The following HHLA2 variants were observed in gnomAD, a reference collection of about 807,000 sequenced individuals.
The protein encoded by HHLA2 is HERV-H LTR-associating protein 2.
A neutral mutation model predicts 45.9 loss-of-function variants in HHLA2; 48 were observed. That is an observed-to-expected ratio of 1.05 (90% CI 0.83 to 1.33). HHLA2 has a LOEUF of 1.33. HHLA2 is among the 40% of genes most tolerant of loss of function. The pLI, the probability that HHLA2 is intolerant of heterozygous loss-of-function variation, is 0.00. For missense variants in HHLA2, 462 were observed against 494.3 expected (o/e 0.93, Z 0.62); for synonymous variants, 161 against 173.9 (o/e 0.93, Z 0.59).
In HHLA2 at chr3:108,362,136, C is replaced by T. The variant is rs554567451; in HGVS notation, c.1004-206C>T. 6.6e-5 allele frequency among the ~76,000 whole-genome samples: 10 copies of T among 152,282 alleles called. No homozygotes were observed. In the South Asian group the frequency reaches 2.1e-3, roughly 32 times the overall value. On this transcript the variant is annotated intron_variant, in intron 7 of 10. Coordinates refer to ENST00000619531, the Ensembl canonical transcript of HHLA2. Reference sequence around the variant, plus strand: ...GATATTTATGCTCAAGACAAACTCTCCTGTCCAGTCTGGGCTCTTGGCTTT... The same window carrying T: ...GATATTTATGCTCAAGACAAACTCTTCTGTCCAGTCTGGGCTCTTGGCTTT...
At chr3:108,367,354 A>C (rs564977716) in intron 8 of HHLA2, among the ~76,000 whole-genome samples, 1 of 152,278 alleles carries the variant, frequency 6.6e-6, no homozygotes, top group African/African-American at 2.4e-5. Flanking sequence ...ACAGAGAAAG[A>C]GTTTGACAAA....
exon 5 of HHLA2, chr3:108,353,472 A>G: frequency 6.2e-7 from 1 of 1,601,224 alleles, no homozygotes; most frequent in Non-Finnish European, 8.5e-7. Flanking sequence ...ATGAATGAAC[A>G]AATCGTCATT....
At chr3:108,317,506 T>G (rs960384395) in intron 2 of HHLA2, among the ~76,000 whole-genome samples, 3 of 152,162 alleles carry the variant, frequency 2.0e-5, no homozygotes, top group Non-Finnish European at 4.4e-5. Context: ...GATGTAAGTT[T>G]ACTAATAGAA....
At chr3:108,311,407 C>A (rs566415913) in intron 2 of HHLA2, among the ~76,000 whole-genome samples, 210 of 152,194 alleles carry the variant, frequency 1.4e-3, no homozygotes, top group African/African-American at 4.7e-3. Flanking sequence ...CAAGTAATAT[C>A]AAACATTAAG....
At chr3:108,358,160 A>G in exon 7 of HHLA2, 1 of 1,594,980 alleles carries the variant, frequency 6.3e-7, no homozygotes, top group Non-Finnish European at 8.6e-7. Context: ...CAGTGCATGT[A>G]GGTAAGTTGC....
chr3:108,372,465 G>GTAAC (rs1303713946), intron 8 of HHLA2, among the ~76,000 whole-genome samples: 1 of 151,074 alleles, frequency 6.6e-6, no homozygotes, highest in East Asian at 1.9e-4. Flanking sequence ...AAGGCAAGAA[G>GTAAC]TAACTAAAAT....
At chr3:108,375,660 G>A in intron 8 of HHLA2, 90 bp from the exon 8 acceptor site, 9 of 1,464,204 alleles carry the variant, frequency 6.1e-6, no homozygotes, top group Non-Finnish European at 8.3e-6. Context: ...ACTTTCAATT[G>A]AAGGACAGAG....
chr3:108,330,140 A>T (rs2081358778), intron 3 of HHLA2, among the ~76,000 whole-genome samples: 1 of 152,200 alleles, frequency 6.6e-6, no homozygotes, highest in Non-Finnish European at 1.5e-5. Context: ...AGAGTGAAAG[A>T]AACCAAAATG....
chr3:108,315,671 C>T (rs1004587454), intron 2 of HHLA2, among the ~76,000 whole-genome samples: 1 of 152,110 alleles, frequency 6.6e-6, no homozygotes, highest in Non-Finnish European at 1.5e-5. Flanking sequence ...GGAAAGCACC[C>T]CAGCTGGCAG....
At chr3:108,329,717 C>A (rs1239973333) in intron 3 of HHLA2, among the ~76,000 whole-genome samples, 1 of 152,050 alleles carries the variant, frequency 6.6e-6, no homozygotes, top group African/African-American at 2.4e-5. Context: ...TCTTTGTGGG[C>A]GTGTTAACTT....
intron 1 of HHLA2, among the ~76,000 whole-genome samples, chr3:108,305,479 G>A (rs188083356): frequency 3.0e-4 from 45 of 152,294 alleles, no homozygotes; most frequent in Non-Finnish European, 5.4e-4. Context: ...AGATCTAGTC[G>A]TTCCTGTTGG....
chr3:108,300,595 G>A lies in HHLA2; in HGVS notation c.-192+3996G>A, dbSNP rs575875749. Among the ~76,000 whole-genome samples the A allele has an allele frequency of 6.6e-5, 10 of 152,184 alleles. No individual in the cohort carries two copies. In the South Asian group the frequency reaches 1.5e-3, roughly 22 times the overall value. ...CCAGTTCTTTTCGTCTGGGTTTAGCGGTGTGTGAGGTCAGGCCTGAAACAT... is the reference window on the plus strand; with the variant it reads ...CCAGTTCTTTTCGTCTGGGTTTAGCAGTGTGTGAGGTCAGGCCTGAAACAT... On this transcript the variant is annotated intron_variant, in intron 1 of 10. Coordinates refer to ENST00000619531, the Ensembl canonical transcript of HHLA2.
chr3:108,340,825 CT>C (rs528544512), intron 3 of HHLA2, among the ~76,000 whole-genome samples: 27 of 148,406 alleles, frequency 1.8e-4, no homozygotes, highest in Admixed American at 5.4e-4. Context: ...AGGATTTACT[CT>C]TTTTTTTTGT....
chr3:108,331,846 GCCTCCC>G (rs958483957), intron 3 of HHLA2, among the ~76,000 whole-genome samples: 7 of 151,970 alleles, frequency 4.6e-5, no homozygotes, highest in African/African-American at 1.5e-4. Flanking sequence ...TCTGCTGCCT[GCCTCCC>G]CCTCCCCATT....
chr3:108,299,415 GAA>G (rs2080815093), intron 1 of HHLA2, among the ~76,000 whole-genome samples: 1 of 150,920 alleles, frequency 6.6e-6, no homozygotes, highest in Non-Finnish European at 1.5e-5. Flanking sequence ...GATAATAAGT[GAA>G]AAGGGTGAAA....
At chr3:108,357,490 A>C (rs2081914778) in intron 6 of HHLA2, among the ~76,000 whole-genome samples, 2 of 152,260 alleles carry the variant, frequency 1.3e-5, no homozygotes, top group South Asian at 4.2e-4. Flanking sequence ...GACCACCAGC[A>C]TTAGAGGGGC....
chr3:108,340,908 T>TCC (rs1553754397), intron 3 of HHLA2, among the ~76,000 whole-genome samples: 3 of 59,450 alleles, frequency 5.0e-5, no homozygotes, highest in Non-Finnish European at 1.0e-4. Context: ...TTTTTTTTTT[T>TCC]TTCCTTCCTT....
At chr3:108,334,313 A>T (rs1240187584) in intron 3 of HHLA2, among the ~76,000 whole-genome samples, 1 of 152,216 alleles carries the variant, frequency 6.6e-6, no homozygotes, top group Non-Finnish European at 1.5e-5. Context: ...TTTTTGATAC[A>T]AAACAAAACC....
chr3:108,344,067 G>A (rs1278579195), intron 3 of HHLA2, among the ~76,000 whole-genome samples: 1 of 152,108 alleles, frequency 6.6e-6, no homozygotes, highest in Non-Finnish European at 1.5e-5. Context: ...AGTTAGTCTA[G>A]CTAAGAAAAA....
Sources: allele counts gnomAD v4.1 joint callset (sites outside exome capture counted in the v4.1 genomes callset), GRCh38; gene constraint gnomAD v4.1.1; transcripts MANE v1.5; gene names NCBI Gene and HGNC (gene_info 2026-07-23, HGNC 2026-07-21).